The following ASAP3 variants were observed in gnomAD, a reference collection of about 807,000 sequenced individuals.
ASAP3 encodes the protein ArfGAP with SH3 domain, ankyrin repeat and PH domain 3.
ASAP3 carries 85 observed loss-of-function variants against 118.2 expected under a neutral mutation model. The observed-to-expected ratio is 0.72, with a 90% CI of 0.60 to 0.86. The LOEUF (loss-of-function observed/expected upper bound fraction) is 0.86, where lower values mean the gene tolerates loss of function less well. Among genes scored for constraint, ASAP3 ranks in the 40% least tolerant of loss-of-function variants. The probability of loss-of-function intolerance (pLI) is 0.00; values close to 1 mark genes in which losing one functional copy is unlikely to be tolerated. For missense variants in ASAP3, 1,026 were observed against 1,175.0 expected (o/e 0.87, Z 1.85); for synonymous variants, 432 against 477.4 (o/e 0.90, Z 1.24).
chr1:23,468,558 C>T (rs930724638), intron 1 of ASAP3, among the ~76,000 whole-genome samples: 6 of 152,134 alleles, frequency 3.9e-5, no homozygotes, highest in East Asian at 1.9e-4. Context: ...ATATGTACTA[C>T]ATATTAAACA....
At chr1:23,451,567 TGGAGC>T in intron 4 of ASAP3, 39 bp from the exon 5 acceptor site, 2 of 1,597,886 alleles carry the variant, frequency 1.3e-6, no homozygotes, top group Non-Finnish European at 1.7e-6. Context: ...AGAGGGAAGC[TGGAGC>T]ACTGGAATAA....
chr1:23,439,476 A>T (rs1340462047), intron 10 of ASAP3, among the ~76,000 whole-genome samples: 1 of 152,104 alleles, frequency 6.6e-6, no homozygotes, highest in Non-Finnish European at 1.5e-5. Flanking sequence ...ACTCCCTGGG[A>T]ATCCTTATTC....
chr1:23,437,750 A>G lies in ASAP3; in HGVS notation c.1103-278T>C, dbSNP rs2148611667. 6.6e-6 allele frequency among the ~76,000 whole-genome samples: 1 copy of G among 152,206 alleles called. No homozygotes were observed. Among genetic ancestry groups the G allele is most frequent in the South Asian group, 2.1e-4 (1 of 4,816 alleles). Reference sequence around the variant, plus strand: ...TCTCAAAGGGCTTGGAACCCCAGAGAACCCAGCTCTGAGGCAGGGCATCCT... The same window carrying G: ...TCTCAAAGGGCTTGGAACCCCAGAGGACCCAGCTCTGAGGCAGGGCATCCT... On this transcript the variant is annotated intron_variant, in intron 12 of 24. Transcript: ENST00000336689. The surrounding 1 kb of genome is among the most constrained non-coding windows in gnomAD (Gnocchi z 6.1).
intron 5 of ASAP3, among the ~76,000 whole-genome samples, chr1:23,442,935 G>T (rs959994160): frequency 3.3e-5 from 5 of 152,210 alleles, no homozygotes; most frequent in African/African-American, 1.2e-4. Context: ...GGGCAAGAGG[G>T]ATGGACCATG....
rs1640756998 is a variant in ASAP3, at chr1:23,438,610, T to TG, written c.1102+136dup. 3.0e-6 allele frequency: 2 copies of TG among 675,724 alleles called. No individual in the cohort carries two copies. The highest frequency in any genetic ancestry group is 3.6e-5 in the African/African-American group (2 of 55,854). 41.9% of individuals were successfully genotyped at this position (675,724 alleles called of 1,614,324 possible). ...GGTATCCTAGACCTAAGGATTCTTA[T>TG]GTCTGCAGTAGCAGCAATTCGACAC... is the stretch of plus-strand genomic sequence containing the variant. On this transcript the variant is annotated intron_variant, in intron 12 of 24. Coordinates refer to ENST00000336689, the MANE Select transcript of ASAP3 (RefSeq NM_017707.4). This position sits in a 1 kb window ranked among gnomAD's most constrained non-coding sequence, Gnocchi z 4.9.
chr1:23,451,690 C>G (rs1056638803), intron 4 of ASAP3, among the ~76,000 whole-genome samples, 162 bp from the exon 5 acceptor site: 5 of 152,146 alleles, frequency 3.3e-5, no homozygotes, highest in Admixed American at 6.5e-5. Context: ...GCAAACCTGC[C>G]CCCACCAAAC....
chr1:23,459,999 A>G (rs1276676432), intron 1 of ASAP3, among the ~76,000 whole-genome samples: 1 of 152,252 alleles, frequency 6.6e-6, no homozygotes, highest in East Asian at 1.9e-4. Context: ...GCCATGGAAT[A>G]TAATATTTTA....
chr1:23,457,587 G>C (rs1327592392), intron 1 of ASAP3, among the ~76,000 whole-genome samples: 1 of 152,104 alleles, frequency 6.6e-6, no homozygotes, highest in Non-Finnish European at 1.5e-5. Context: ...CACAATCTTG[G>C]CTCACTGCAA....
intron 1 of ASAP3, among the ~76,000 whole-genome samples, chr1:23,469,316 A>C (rs998184788): frequency 6.6e-6 from 1 of 152,156 alleles, no homozygotes; most frequent in African/African-American, 2.4e-5. Context: ...AAAAATAATA[A>C]TAACAATAAT....
At chr1:23,452,847 G>T in intron 3 of ASAP3, 76 bp from the exon 4 acceptor site, 14 of 1,389,850 alleles carry the variant, frequency 1.0e-5, no homozygotes, top group Non-Finnish European at 1.4e-5. Context: ...GTACAGTGAA[G>T]CATCACTTGG....
chr1:23,432,707 T>C (rs1250257124), intron 22 of ASAP3, among the ~76,000 whole-genome samples: 1 of 152,236 alleles, frequency 6.6e-6, no homozygotes, highest in Non-Finnish European at 1.5e-5. Context: ...CATTGTGCCT[T>C]GTATTATAAT....
chr1:23,449,400 C>G (rs1313548200), intron 5 of ASAP3, among the ~76,000 whole-genome samples: 1 of 152,164 alleles, frequency 6.6e-6, no homozygotes. Context: ...CCCGGGATGC[C>G]TTTCTCAGCA....
chr1:23,435,072 A>G (rs146978656), intron 17 of ASAP3, among the ~76,000 whole-genome samples: 1 of 152,222 alleles, frequency 6.6e-6, no homozygotes, highest in East Asian at 1.9e-4. Flanking sequence ...TTGTCACCCA[A>G]GCTGGAGAGC....
Position 23,431,856 on chromosome 1 carries a change from G to T in ASAP3, c.2386C>A (p.Pro796Thr). Residue 796 changes from proline (P) to threonine (T), a missense_variant, in exon 23 of 25, where the codon CCA becomes ACA. Pro to Thr is a conservative substitution (Grantham distance 38). Coordinates refer to ENST00000336689, the MANE Select transcript of ASAP3 (RefSeq NM_017707.4). ...CTCATCAGACTGGAGGAGGAGGCTG[G>T]ACTGCCCAGGCTCTCAGGGGTCTCA... Reference protein sequence around the residue: ...APETPESLGSPASSSSLMSPL... With the variant: ...APETPESLGSTASSSSLMSPL... 6.3e-7 allele frequency: 1 copy of T among 1,598,032 alleles called. No homozygotes were observed. The highest frequency in any genetic ancestry group is 2.2e-5 in the East Asian group (1 of 44,770).
chr1:23,446,439 CT>C (rs11365378), intron 5 of ASAP3, among the ~76,000 whole-genome samples: 20,469 of 129,980 alleles, frequency 0.16, 1,205 homozygotes, highest in African/African-American at 0.24. Flanking sequence ...GTTTTTTTGT[CT>C]TTTTTTTTTT....
In ASAP3 at chr1:23,436,772, C is replaced by T. The variant is rs192858380; in HGVS notation, c.1477-118G>A. The T allele has an allele frequency of 4.0e-4, 614 of 1,540,062 alleles. 3 individuals are homozygous for T. The African/African-American group carries it at 7.5e-3, about 19-fold the overall frequency. ...TCGGCCGCCCTCCCGGTTCAGGCCC[C>T]GCCCCTGACCACCCGCTACCTGGCT... On this transcript the variant is annotated intron_variant, in intron 15 of 24. Coordinates refer to ENST00000336689, the MANE Select transcript of ASAP3 (RefSeq NM_017707.4). This position sits in a 1 kb window ranked among gnomAD's most constrained non-coding sequence, Gnocchi z 4.2.
At chr1:23,475,937 A>G (rs558900998) in intron 1 of ASAP3, among the ~76,000 whole-genome samples, 1 of 152,254 alleles carries the variant, frequency 6.6e-6, no homozygotes, top group Non-Finnish European at 1.5e-5. Context: ...TGGGCAAAAG[A>G]AGGAGACCCT....
At position 23,437,331 on chromosome 1, in the gene ASAP3, T is replaced by C. The variant is rs370407423; in HGVS notation, c.1152-11A>G. On this transcript the variant is annotated splice_polypyrimidine_tract_variant and intron_variant, in intron 13 of 24. Transcript: ENST00000336689. This position sits in a 1 kb window ranked among gnomAD's most constrained non-coding sequence, Gnocchi z 6.1. ...AACACTGACACCCACCTGCGGAGAT[T>C]GAACGGGGTGGGATGGGGATGTCAA... 11 of 1,608,670 alleles carry C rather than the reference T, an allele frequency of 6.8e-6. No homozygotes were observed. The African/African-American group carries it at 1.5e-4, about 22-fold the overall frequency.
At chr1:23,472,272 C>T (rs2148658724) in intron 1 of ASAP3, among the ~76,000 whole-genome samples, 1 of 152,330 alleles carries the variant, frequency 6.6e-6, no homozygotes, top group South Asian at 2.1e-4. Flanking sequence ...TACCTAAAAG[C>T]AACCTAAGGG....
Sources: gnomAD v4.1 joint callset for allele counts (sites outside exome capture counted in the v4.1 genomes callset) on GRCh38, gnomAD v4.1.1 for gene constraint, Gnocchi (gnomAD v3.1) non-coding constraint, MANE v1.5 for transcripts, NCBI Gene and HGNC (gene_info 2026-07-23, HGNC 2026-07-21) for gene names.